Variants in PCDHGB3 observed in about 807,000 individuals in gnomAD.
PCDHGB3 encodes protocadherin gamma subfamily B, 3, also known as protocadherin gamma-B3.
In PCDHGB3, 40 loss-of-function variants were observed where a neutral mutation model predicts 59.2. The ratio of observed to expected loss-of-function variants is 0.68; its 90% CI spans 0.52 to 0.88. The LOEUF is 0.88. Ranked by LOEUF, PCDHGB3 falls within the 40% of genes least tolerant of loss-of-function variation. PCDHGB3 has a pLI of 0.00. For missense variants in PCDHGB3, 1,309 were observed against 1,187.9 expected (o/e 1.10, Z -1.50); for synonymous variants, 581 against 503.6 (o/e 1.15, Z -2.06).
rs183968443 is a variant in PCDHGB3 at position 141,495,033 on chromosome 5, G to A, written c.2474+168G>A. On this transcript the variant is annotated intron_variant, in intron 2 of 3. Coordinates refer to ENST00000576222, the MANE Select transcript of PCDHGB3 (RefSeq NM_018924.5). ...GGGGCTGGCACACAGACCCCGGAAG[G>A]AAGAGGCGACTGCCCTGACTGTTCA... is the stretch of plus-strand genomic sequence containing the variant. 1.4e-3 allele frequency: 1,380 copies of A among 968,234 alleles called. 4 individuals are homozygous for A. Among genetic ancestry groups the A allele is most frequent in the Middle Eastern group, 5.3e-3 (10 of 1,888 alleles). 60.0% of individuals were successfully genotyped at this position (968,234 alleles called of 1,614,324 possible).
chr5:141,403,703 G>A (rs747321937), intron 1 of PCDHGB3: 5 of 1,613,946 alleles, frequency 3.1e-6, no homozygotes, highest in Non-Finnish European at 4.2e-6. Context: ...CCGAGTTAAA[G>A]TCCTTGAGAA....
chr5:141,423,626 T>C (rs745796529), intron 1 of PCDHGB3: 1 of 1,606,498 alleles, frequency 6.2e-7, no homozygotes, highest in South Asian at 1.1e-5. Context: ...GACTCAGCTA[T>C]CATTTTAGGC....
chr5:141,427,046 C>G (rs916723344), intron 1 of PCDHGB3: 2 of 457,362 alleles, frequency 4.4e-6, no homozygotes, highest in Admixed American at 4.7e-5. Context: ...AGAATGTGCC[C>G]CCAGGCACCT....
At chr5:141,398,450 C>T in intron 1 of PCDHGB3, 1 of 1,574,388 alleles carries the variant, frequency 6.4e-7, no homozygotes, top group East Asian at 2.2e-5. Flanking sequence ...GAATTTGAGG[C>T]TGTTGCTGAA....
intron 1 of PCDHGB3, among the ~76,000 whole-genome samples, chr5:141,463,179 A>G (rs1261927835): frequency 6.6e-6 from 1 of 152,082 alleles, no homozygotes; most frequent in Non-Finnish European, 1.5e-5. Context: ...GTATGCTCAG[A>G]TTATTATTTA....
At chr5:141,428,189 C>G in intron 1 of PCDHGB3, 1 of 1,429,262 alleles carries the variant, frequency 7.0e-7, no homozygotes, top group African/African-American at 1.4e-5. Flanking sequence ...ACAGCCGCCG[C>G]TCTCTGCGCC....
At chr5:141,441,911 T>TGAG in intron 1 of PCDHGB3, 1 of 348,148 alleles carries the variant, frequency 2.9e-6, no homozygotes, top group Non-Finnish European at 5.5e-6. Context: ...GACGCAGATG[T>TGAG]GAGACACAAT....
chr5:141,375,608 T>G (rs1771640619), intron 1 of PCDHGB3: 1 of 1,614,000 alleles, frequency 6.2e-7, no homozygotes, highest in South Asian at 1.1e-5. Context: ...GTCCATCAAC[T>G]CCGACACTGG....
chr5:141,426,873 C>T (rs1299082117), intron 1 of PCDHGB3: 1 of 456,702 alleles, frequency 2.2e-6, no homozygotes, highest in East Asian at 6.9e-5. Context: ...GCTGGAGAAG[C>T]CCCTGGGCCA....
At chr5:141,414,446 T>C in intron 1 of PCDHGB3, 1 of 1,613,864 alleles carries the variant, frequency 6.2e-7, no homozygotes, top group Non-Finnish European at 8.5e-7. Flanking sequence ...TCTTACAATA[T>C]CACAGTGACA....
intron 1 of PCDHGB3, among the ~76,000 whole-genome samples, chr5:141,460,536 G>A (rs911670681): frequency 2.0e-5 from 3 of 152,092 alleles, no homozygotes; most frequent in African/African-American, 7.2e-5. Flanking sequence ...AATAATCTTA[G>A]CACCTTAATC....
rs1011731430 is a variant in PCDHGB3, at chr5:141,489,676, G to A, written c.2416-5131G>A. 6.2e-7 allele frequency: 1 copy of A among 1,614,158 alleles called. No individual in the cohort carries two copies. The highest frequency in any genetic ancestry group is 8.5e-7 in the Non-Finnish European group (1 of 1,180,008). On this transcript the variant is annotated intron_variant, in intron 1 of 3. Coordinates refer to ENST00000576222, the MANE Select transcript of PCDHGB3 (RefSeq NM_018924.5). This position sits in a 1 kb window ranked among gnomAD's most constrained non-coding sequence, Gnocchi z 4.5. ...GCGAGAGATGCGCATCTCAGAATCAGCAGCATCTGGGGCACGATTCCCACT... is the reference window on the plus strand; with the variant it reads ...GCGAGAGATGCGCATCTCAGAATCAACAGCATCTGGGGCACGATTCCCACT...
chr5:141,395,111 T>A, intron 1 of PCDHGB3: 1 of 1,613,670 alleles, frequency 6.2e-7, no homozygotes, highest in Non-Finnish European at 8.5e-7. Flanking sequence ...CGCGGAAGAG[T>A]CACCTGATCT....
rs1241912384 is a variant in PCDHGB3 at position 141,404,765 on chromosome 5, T to C, written c.2415+31956T>C. ...AGACTCAGGCCAGAATGCTTGGCTC[T>C]CCTACCGCCTATTCAAGGCCAGTGA... On this transcript the variant is annotated intron_variant, in intron 1 of 3. Coordinates refer to ENST00000576222, the MANE Select transcript of PCDHGB3 (RefSeq NM_018924.5). 2.5e-6 allele frequency: 4 copies of C among 1,613,120 alleles called. No individual in the cohort carries two copies. The Admixed American group carries it at 6.7e-5, about 27-fold the overall frequency.
rs759146011 is a variant in PCDHGB3, at chr5:141,477,635, G to A, written c.2416-17172G>A. 6.2e-7 allele frequency: 1 copy of A among 1,614,138 alleles called. No homozygotes were observed. The highest frequency in any genetic ancestry group is 8.5e-7 in the Non-Finnish European group (1 of 1,180,040). On this transcript the variant is annotated intron_variant, in intron 1 of 3. Coordinates refer to ENST00000576222, the MANE Select transcript of PCDHGB3 (RefSeq NM_018924.5). This position sits in a 1 kb window ranked among gnomAD's most constrained non-coding sequence, Gnocchi z 4.9. ...GCAAGGAGCTGAAACCGGGCTAGTG[G>A]GTCGCTATTTCACAATAAATCGTGA...
intron 1 of PCDHGB3, chr5:141,389,708 G>A: frequency 6.2e-7 from 1 of 1,612,610 alleles, no homozygotes; most frequent in South Asian, 1.1e-5. Context: ...ACGTGCTGCA[G>A]GCTAGCGAGC....
chr5:141,431,921 G>A lies in PCDHGB3; in HGVS notation c.2415+59112G>A. The A allele has an allele frequency of 1.9e-6, 3 of 1,614,142 alleles. No homozygotes were observed. Among genetic ancestry groups the A allele is most frequent in the South Asian group, 2.2e-5 (2 of 91,084 alleles). On this transcript the variant is annotated intron_variant, in intron 1 of 3. Transcript: ENST00000576222. The surrounding 1 kb of genome is among the most constrained non-coding windows in gnomAD (Gnocchi z 4.8). ...CGGACAGGTGATCTGTTTCATCCAA[G>A]GAAATCTGCCCTTTAAATTAGAAAA...
rs1179408656 is a variant in PCDHGB3, at chr5:141,395,537, A to ATTGT, written c.2415+22733_2415+22736dup. 1,010 of 243,944 alleles carry ATTGT rather than the reference A, an allele frequency of 4.1e-3. 17 individuals are homozygous for ATTGT. In the African/African-American group the frequency reaches 0.049, roughly 12 times the overall value. The allele number at this position is 243,944 out of a possible 1,614,324, so 15.1% of individuals were successfully genotyped here. On this transcript the variant is annotated intron_variant, in intron 1 of 3. Coordinates refer to ENST00000576222, the MANE Select transcript of PCDHGB3 (RefSeq NM_018924.5). ...ACCCGTCCATACTGGTAATTTTGCT[A>ATTGT]TTGTTTGTGTGTGTGTGTGTGTGTG... is the stretch of plus-strand genomic sequence containing the variant.
At position 141,422,630 on chromosome 5, in the gene PCDHGB3, G is replaced by A. The variant is rs1193466428; in HGVS notation, c.2415+49821G>A. 5 of 1,613,176 alleles carry A rather than the reference G, an allele frequency of 3.1e-6. No homozygotes were observed. The Admixed American group carries it at 8.3e-5, about 27-fold the overall frequency. On this transcript the variant is annotated intron_variant, in intron 1 of 3. Coordinates refer to ENST00000576222, the MANE Select transcript of PCDHGB3 (RefSeq NM_018924.5). ...GCCTACATTCCCGAAAACAACCCCA[G>A]GGGTGCCTCCATCTTCTCAGTGACC...
Sources: gnomAD v4.1 joint callset for allele counts (sites outside exome capture counted in the v4.1 genomes callset) on GRCh38, gnomAD v4.1.1 for gene constraint, Gnocchi (gnomAD v3.1) non-coding constraint, MANE v1.5 for transcripts, NCBI Gene and HGNC (gene_info 2026-07-23, HGNC 2026-07-21) for gene names.